Variants in CEP89 observed in about 807,000 individuals in gnomAD.
CEP89 encodes the protein centrosomal protein 89.
In CEP89, 95 loss-of-function variants were observed where a neutral mutation model predicts 97.6. The observed-to-expected ratio is 0.97, with a 90% CI of 0.82 to 1.15. CEP89 has a LOEUF of 1.15. Ranked by LOEUF, CEP89 falls within the 50% of genes most tolerant of loss-of-function variation. CEP89 has a pLI of 0.00. For synonymous variants in CEP89, 354 were observed against 349.1 expected, an observed-to-expected ratio of 1.01 and a Z score of -0.16; for missense variants, 869 against 947.7, an observed-to-expected ratio of 0.92 and a Z score of 1.09.
intron 17 of CEP89, among the ~76,000 whole-genome samples, chr19:32,882,524 TGCACTCTAGCCTG>T (rs1969306274): frequency 6.7e-6 from 1 of 149,810 alleles, no homozygotes; most frequent in Non-Finnish European, 1.5e-5. Flanking sequence ...ATCACGCCAC[TGCACTCTAGCCTG>T]GGTGACACAG....
At chr19:32,890,925 T>A (rs1191205319) in intron 16 of CEP89, among the ~76,000 whole-genome samples, 2 of 152,042 alleles carry the variant, frequency 1.3e-5, no homozygotes, top group African/African-American at 4.8e-5. Flanking sequence ...AGCCCCTGCA[T>A]CTCCACATCC....
chr19:32,909,072 C>T (rs962437497), intron 14 of CEP89, among the ~76,000 whole-genome samples: 3 of 152,158 alleles, frequency 2.0e-5, no homozygotes, highest in African/African-American at 7.2e-5. Flanking sequence ...TGTCAGTTGG[C>T]TTTGGATTGG....
intron 1 of CEP89, chr19:32,971,463 A>T: frequency 1.9e-6 from 1 of 533,590 alleles, no homozygotes; most frequent in Non-Finnish European, 3.3e-6. Context: ...CAAGACCACC[A>T]TAGGAACATA....
Position 32,953,711 on chromosome 19 carries a change from C to A in CEP89, c.396G>T (p.Gln132His). ...CCAATTCCTTGCCGCTGGATGACAG[C>A]TGAGTTTCAATGTCCTCTTCGTCCC... ...DYGDEEDIET[Q>H]LSSSGKELGD... Residue 132 changes from glutamine (Q) to histidine (H), a missense_variant, in exon 4 of 19, where the codon CAG becomes CAT. Transcript: ENST00000305768. The A allele has an allele frequency of 6.2e-7, 1 of 1,614,052 alleles. No individual in the cohort carries two copies. Among genetic ancestry groups the A allele is most frequent in the Non-Finnish European group, 8.5e-7 (1 of 1,179,944 alleles).
intron 14 of CEP89, among the ~76,000 whole-genome samples, chr19:32,902,253 G>T (rs940222042): frequency 6.6e-6 from 1 of 152,110 alleles, no homozygotes; most frequent in Admixed American, 6.6e-5. Flanking sequence ...TACCGAATTT[G>T]CATAGAGAGT....
chr19:32,944,430 G>A (rs766334409), intron 5 of CEP89, among the ~76,000 whole-genome samples: 21 of 152,062 alleles, frequency 1.4e-4, no homozygotes, highest in Admixed American at 2.0e-4. Flanking sequence ...AGGAGGAAAC[G>A]AGATGTCCTG....
At position 32,923,517 on chromosome 19, in the gene CEP89, C is replaced by A; in HGVS notation, c.1190G>T (p.Arg397Leu). Residue 397 changes from arginine to leucine, a missense_variant, in exon 12 of 19, where the codon CGA becomes CTA. By Grantham distance (102) the Arg-to-Leu change is moderately radical. Coordinates refer to ENST00000305768, the MANE Select transcript of CEP89 (RefSeq NM_032816.5). ...ATTTTCTTTCACCACTTCTTGGACT[C>A]GCATCCTAAACATTCTCATTTCCTC... ...LKEEMRMFRM[R>L]VQEVVKENEE... 6.2e-7 allele frequency: 1 copy of A among 1,603,296 alleles called. No individual in the cohort carries two copies. Among genetic ancestry groups the A allele is most frequent in the Middle Eastern group, 1.7e-4 (1 of 6,040 alleles).
intron 5 of CEP89, among the ~76,000 whole-genome samples, chr19:32,947,518 T>C (rs1401798289): frequency 6.6e-6 from 1 of 151,764 alleles, no homozygotes; most frequent in Non-Finnish European, 1.5e-5. Context: ...TGAGATGGGG[T>C]TTCACTCTGT....
At position 32,879,395 on chromosome 19, in the gene CEP89, T is replaced by A. The variant is rs748001837; in HGVS notation, c.2136-17A>T. 6.3e-7 allele frequency: 1 copy of A among 1,594,406 alleles called. No individual in the cohort carries two copies. Among genetic ancestry groups the A allele is most frequent in the South Asian group, 1.1e-5 (1 of 90,668 alleles). On this transcript the variant is annotated splice_polypyrimidine_tract_variant and intron_variant, in intron 18 of 18. Coordinates refer to ENST00000305768, the MANE Select transcript of CEP89 (RefSeq NM_032816.5). Reference sequence around the variant, plus strand: ...TCCATTTCTCTGAGGGAAATAAGTTTAAAATGGCACAATTTTAAAAATAAT... The same window carrying A: ...TCCATTTCTCTGAGGGAAATAAGTTAAAAATGGCACAATTTTAAAAATAAT...
chr19:32,928,656 G>A (rs1350108520), intron 9 of CEP89, among the ~76,000 whole-genome samples: 1 of 152,164 alleles, frequency 6.6e-6, no homozygotes. Context: ...GTATCTTGCA[G>A]TCTCATCCTA....
chr19:32,963,468 T>C (rs867373863), intron 2 of CEP89: 2 of 152,212 alleles, frequency 1.3e-5, no homozygotes, highest in South Asian at 2.1e-4. Context: ...CAACCCCTTG[T>C]GCTCTTTTAT....
At chr19:32,937,761 G>A (rs1970608808) in intron 6 of CEP89, 88 bp from the exon 7 acceptor site, 1 of 882,358 alleles carries the variant, frequency 1.1e-6, no homozygotes, top group Non-Finnish European at 1.9e-6. Context: ...TAGACAGCAG[G>A]TATATAAGCA....
intron 13 of CEP89, among the ~76,000 whole-genome samples, chr19:32,917,351 G>A (rs1439987570): frequency 6.6e-6 from 1 of 152,146 alleles, no homozygotes; most frequent in African/African-American, 2.4e-5. Context: ...TCTGGGAGAT[G>A]CTCTCATCTT....
chr19:32,906,152 A>G (rs1331803344), intron 14 of CEP89, among the ~76,000 whole-genome samples: 3 of 152,180 alleles, frequency 2.0e-5, no homozygotes, highest in African/African-American at 7.2e-5. Flanking sequence ...ACACTGTGAC[A>G]TTCTTTGTCT....
intron 11 of CEP89, among the ~76,000 whole-genome samples, chr19:32,925,577 C>G (rs1307362708): frequency 6.6e-6 from 1 of 150,902 alleles, no homozygotes; most frequent in Non-Finnish European, 1.5e-5. Flanking sequence ...CAACGTCCAG[C>G]TCCCTGGTTC....
chr19:32,900,023 A>C, intron 15 of CEP89, 25 bp from the exon 16 acceptor site: 1 of 1,612,740 alleles, frequency 6.2e-7, no homozygotes, highest in Non-Finnish European at 8.5e-7. Context: ...CAAATGGTAG[A>C]ATAAAAAGCC....
intron 5 of CEP89, among the ~76,000 whole-genome samples, chr19:32,946,795 C>A (rs774173401): frequency 6.6e-6 from 1 of 152,146 alleles, no homozygotes; most frequent in Non-Finnish European, 1.5e-5. Flanking sequence ...CTTTCACCTT[C>A]TGCCATGACT....
chr19:32,908,994 C>G (rs1436365211), intron 14 of CEP89, among the ~76,000 whole-genome samples: 1 of 152,170 alleles, frequency 6.6e-6, no homozygotes, highest in Non-Finnish European at 1.5e-5. Flanking sequence ...CTTTCTCTGC[C>G]CATTGGCAAC....
intron 3 of CEP89, among the ~76,000 whole-genome samples, chr19:32,955,544 C>T (rs187286513): frequency 5.3e-5 from 8 of 152,216 alleles, no homozygotes; most frequent in South Asian, 2.1e-4. Context: ...GATGGAGTCT[C>T]GCTCTGTCAC....
Sources: allele counts gnomAD v4.1 joint callset (sites outside exome capture counted in the v4.1 genomes callset), GRCh38; gene constraint gnomAD v4.1.1; transcripts MANE v1.5; gene names NCBI Gene and HGNC (gene_info 2026-07-23, HGNC 2026-07-21).